The following PCDHGA8 variants were observed in gnomAD, a reference collection of about 807,000 sequenced individuals.
The protein encoded by PCDHGA8 is protocadherin gamma subfamily A, 8.
A neutral mutation model predicts 59.2 loss-of-function variants in PCDHGA8; 45 were observed. The ratio of observed to expected loss-of-function variants is 0.76; its 90% CI spans 0.60 to 0.98. PCDHGA8 has a LOEUF of 0.98. PCDHGA8 is among the 50% of genes least tolerant of loss of function. The pLI is 0.00. For missense variants in PCDHGA8, 1,257 were observed against 1,196.2 expected (o/e 1.05, Z -0.75); for synonymous variants, 531 against 519.0 (o/e 1.02, Z -0.32).
chr5:141,511,351 C>G lies in PCDHGA8; in HGVS notation c.*178C>G, dbSNP rs1190324197. On this transcript the variant is annotated 3_prime_UTR_variant, in exon 4 of 4. Coordinates refer to ENST00000398604, the MANE Select transcript of PCDHGA8 (RefSeq NM_032088.2). The stretch of plus-strand genomic sequence containing the variant: ...CCAGTCAGCACCTACCCCTTCCCCC[C>G]CAGGGGGTTGAATATGCAAAAGCAG... 6 of 1,386,432 alleles carry G rather than the reference C, an allele frequency of 4.3e-6. No individual in the cohort carries two copies. The highest frequency in any genetic ancestry group is 2.9e-5 in the African/African-American group (2 of 68,574). The allele number at this position is 1,386,432 out of a possible 1,614,324, so 85.9% of individuals were successfully genotyped here.
At chr5:141,442,309 G>C (rs1483682583) in intron 1 of PCDHGA8, 1 of 152,418 alleles carries the variant, frequency 6.6e-6, no homozygotes, top group Non-Finnish European at 1.5e-5. Flanking sequence ...TCTTTCCCAC[G>C]GATGTCTATC....
rs563057370 is a variant in PCDHGA8 at position 141,491,297 on chromosome 5, A to G, written c.2425-3510A>G. 1.2e-6 allele frequency: 2 copies of G among 1,614,106 alleles called. No homozygotes were observed. Among genetic ancestry groups the G allele is most frequent in the African/African-American group, 2.7e-5 (2 of 75,038 alleles). On this transcript the variant is annotated intron_variant, in intron 1 of 3. Transcript: ENST00000398604. This position sits in a 1 kb window ranked among gnomAD's most constrained non-coding sequence, Gnocchi z 6.9. The stretch of plus-strand genomic sequence containing the variant: ...AGTGACTTCCTCATACACCCTCCTG[A>G]GCGTTCAGACCTTACCCTTTACCTC...
At chr5:141,427,839 G>A (rs1276507135) in intron 1 of PCDHGA8, 3 of 1,547,192 alleles carry the variant, frequency 1.9e-6, no homozygotes, top group African/African-American at 2.7e-5. Context: ...GCGTGCCTTC[G>A]ACCACGAGCA....
intron 1 of PCDHGA8, chr5:141,441,678 G>A (rs952726158): frequency 3.4e-6 from 1 of 292,424 alleles, no homozygotes; most frequent in Non-Finnish European, 6.7e-6. Flanking sequence ...GTGCGCCTTC[G>A]ACCAAGAGCA....
At chr5:141,455,360 A>C (rs2098820130) in intron 1 of PCDHGA8, among the ~76,000 whole-genome samples, 1 of 152,112 alleles carries the variant, frequency 6.6e-6, no homozygotes, top group Non-Finnish European at 1.5e-5. Context: ...TTAATAGGCA[A>C]GAAGGAAGGG....
intron 1 of PCDHGA8, chr5:141,441,104 T>C (rs1158565054): frequency 6.6e-6 from 1 of 152,204 alleles, no homozygotes; most frequent in Non-Finnish European, 1.5e-5. Flanking sequence ...GAGGGACTCA[T>C]TGTCCAGTGT....
In PCDHGA8 at chr5:141,407,982, G is replaced by C. The variant is rs976187867; in HGVS notation, c.2424+12745G>C. On this transcript the variant is annotated intron_variant, in intron 1 of 3. Coordinates refer to ENST00000398604, the MANE Select transcript of PCDHGA8 (RefSeq NM_032088.2). Reference sequence around the variant, plus strand: ...GAGCAAGCGCTGACGCCGGGGATCCGTCAGCCTCTGGCCTGGGATTCCCTG... The same window carrying C: ...GAGCAAGCGCTGACGCCGGGGATCCCTCAGCCTCTGGCCTGGGATTCCCTG... 1.5e-4 allele frequency: 114 copies of C among 783,006 alleles called. 1 individual carries two copies. Among genetic ancestry groups the C allele is most frequent in the African/African-American group, 9.1e-4 (52 of 57,436 alleles). The allele number at this position is 783,006 out of a possible 1,614,324, so 48.5% of individuals were successfully genotyped here.
intron 1 of PCDHGA8, among the ~76,000 whole-genome samples, chr5:141,438,579 CATACATACATACAT>C (rs1434774868): frequency 9.0e-5 from 5 of 55,782 alleles, no homozygotes; most frequent in Admixed American, 2.8e-4. Context: ...GATATACATA[CATACATACATACAT>C]ATATATATAT....
In PCDHGA8 at chr5:141,485,804, G is replaced by C; in HGVS notation, c.2425-9003G>C. 6.2e-7 allele frequency: 1 copy of C among 1,614,218 alleles called. No homozygotes were observed. The highest frequency in any genetic ancestry group is 1.3e-5 in the African/African-American group (1 of 75,060). The stretch of plus-strand genomic sequence containing the variant: ...AGAGAAGCAATCGGACTACCGCCTG[G>C]TGCTGACTGCTGTCGATGGAGGGAA... On this transcript the variant is annotated intron_variant, in intron 1 of 3. Coordinates refer to ENST00000398604, the MANE Select transcript of PCDHGA8 (RefSeq NM_032088.2). This position sits in a 1 kb window ranked among gnomAD's most constrained non-coding sequence, Gnocchi z 5.7.
chr5:141,431,527 C>T lies in PCDHGA8; in HGVS notation c.2424+36290C>T. The T allele has an allele frequency of 1.2e-6, 2 of 1,614,086 alleles. No homozygotes were observed. The highest frequency in any genetic ancestry group is 2.2e-5 in the East Asian group (1 of 44,888). ...GCGCGAGCGTTCCGGAGAATCTGGC[C>T]TTGGGCACGCAGCTGCTTGTAGTCA... On this transcript the variant is annotated intron_variant, in intron 1 of 3. Coordinates refer to ENST00000398604, the MANE Select transcript of PCDHGA8 (RefSeq NM_032088.2). This position sits in a 1 kb window ranked among gnomAD's most constrained non-coding sequence, Gnocchi z 4.8.
At chr5:141,497,839 A>G (rs1399696596) in intron 2 of PCDHGA8, among the ~76,000 whole-genome samples, 1 of 152,044 alleles carries the variant, frequency 6.6e-6, no homozygotes, top group East Asian at 1.9e-4. Flanking sequence ...CCCGGCCACA[A>G]CAAACATTTT....
chr5:141,460,537 C>T (rs2098991642), intron 1 of PCDHGA8, among the ~76,000 whole-genome samples: 1 of 152,062 alleles, frequency 6.6e-6, no homozygotes, highest in African/African-American at 2.4e-5. Context: ...ATAATCTTAG[C>T]ACCTTAATCA....
chr5:141,428,331 G>A, intron 1 of PCDHGA8: 2 of 625,576 alleles, frequency 3.2e-6, no homozygotes, highest in East Asian at 2.9e-5. Context: ...TGATTTCTAT[G>A]CTCTTCTTCC....
chr5:141,475,870 C>CAGTT, intron 1 of PCDHGA8: 1 of 511,190 alleles, frequency 2.0e-6, no homozygotes, highest in East Asian at 3.3e-5. Context: ...ATTCTTCGTG[C>CAGTT]AGTTATTGGC....
At chr5:141,492,673 C>T (rs2099743035) in intron 1 of PCDHGA8, among the ~76,000 whole-genome samples, 1 of 152,250 alleles carries the variant, frequency 6.6e-6, no homozygotes, top group Non-Finnish European at 1.5e-5. Flanking sequence ...GGGACTCCGT[C>T]TCAAGGGTCG....
intron 1 of PCDHGA8, among the ~76,000 whole-genome samples, chr5:141,470,624 A>G (rs1421700811): frequency 6.6e-6 from 1 of 152,220 alleles, no homozygotes; most frequent in Non-Finnish European, 1.5e-5. Flanking sequence ...TCATGCTTAG[A>G]TAGGCCCCCT....
At chr5:141,438,418 G>C (rs2097959406) in intron 1 of PCDHGA8, among the ~76,000 whole-genome samples, 1 of 151,534 alleles carries the variant, frequency 6.6e-6, no homozygotes, top group Admixed American at 6.6e-5. Flanking sequence ...ATTTCACACA[G>C]TAGTTTGTAC....
In PCDHGA8 at chr5:141,395,061, C is replaced by G. The variant is rs751602382; in HGVS notation, c.2248C>G (p.Leu750Val). 1.5e-5 allele frequency: 25 copies of G among 1,614,158 alleles called. No individual in the cohort carries two copies. In the African/African-American group the frequency reaches 3.2e-4, roughly 21 times the overall value. Residue 750 changes from leucine (L) to valine (V), a missense_variant, in exon 1 of 4, where the codon CTG (leucine) becomes GTG (valine). Coordinates refer to ENST00000398604, the MANE Select transcript of PCDHGA8 (RefSeq NM_032088.2). ...FVGVEEVQAF[L>V]QTYSQEVSLT... ...GGGTGTTGAGGAGGTACAGGCTTTCCTGCAGACCTATTCCCAGGAAGTCTC... is the reference window on the plus strand; with the variant it reads ...GGGTGTTGAGGAGGTACAGGCTTTCGTGCAGACCTATTCCCAGGAAGTCTC...
chr5:141,473,905 G>T (rs940750776), intron 1 of PCDHGA8, among the ~76,000 whole-genome samples: 2 of 152,096 alleles, frequency 1.3e-5, no homozygotes, highest in African/African-American at 4.8e-5. Context: ...TCATGAAGAG[G>T]TCTTAAGAAA....
Sources: gnomAD v4.1 joint callset for allele counts (sites outside exome capture counted in the v4.1 genomes callset) on GRCh38, gnomAD v4.1.1 for gene constraint, Gnocchi (gnomAD v3.1) non-coding constraint, MANE v1.5 for transcripts, NCBI Gene and HGNC (gene_info 2026-07-23, HGNC 2026-07-21) for gene names.